CTNNA2: variants seen among roughly 807,000 people sequenced by gnomAD.
CTNNA2 encodes catenin alpha 2, also known as catenin alpha-2.
Under a neutral mutation model 101.0 loss-of-function variants are expected in CTNNA2, and 42 were observed. The ratio of observed to expected loss-of-function variants is 0.42; its 90% CI spans 0.32 to 0.54. The LOEUF (loss-of-function observed/expected upper bound fraction) is 0.54. Among genes scored for constraint, CTNNA2 ranks in the 20% least tolerant of loss-of-function variants. The pLI is 0.14. For missense variants in CTNNA2, 871 were observed against 1,223.1 expected (o/e 0.71, Z 4.29); for synonymous variants, 450 against 456.4 (o/e 0.99, Z 0.18).
intron 3 of CTNNA2, among the ~76,000 whole-genome samples, chr2:79,367,128 C>T (rs1190648971): frequency 2.0e-5 from 3 of 152,066 alleles, no homozygotes; most frequent in Non-Finnish European, 4.4e-5. Flanking sequence ...GAGAGAGATC[C>T]TTTCTCATTC....
intron 7 of CTNNA2, among the ~76,000 whole-genome samples, chr2:80,030,759 C>T (rs1386640570): frequency 6.6e-6 from 1 of 152,008 alleles, no homozygotes; most frequent in South Asian, 2.1e-4. Flanking sequence ...GGATATGTAA[C>T]AGACAAGTGA....
chr2:79,424,920 T>C (rs1678577538), intron 4 of CTNNA2, among the ~76,000 whole-genome samples: 1 of 152,176 alleles, frequency 6.6e-6, no homozygotes, highest in Non-Finnish European at 1.5e-5. Context: ...ATTGGTCAGC[T>C]TTAGTGAAAT....
intron 1 of CTNNA2, among the ~76,000 whole-genome samples, chr2:79,582,383 A>C (rs979639317): frequency 6.6e-6 from 1 of 152,276 alleles, no homozygotes; most frequent in East Asian, 1.9e-4. Context: ...TACCATATAC[A>C]TATCATATAG....
At chr2:79,659,561 T>A (rs1201162390) in intron 2 of CTNNA2, among the ~76,000 whole-genome samples, 1 of 152,222 alleles carries the variant, frequency 6.6e-6, no homozygotes, top group Non-Finnish European at 1.5e-5. Context: ...TTGATCTAAT[T>A]CATGTATAGT....
intron 1 of CTNNA2, among the ~76,000 whole-genome samples, chr2:79,584,587 C>T (rs1436910094): frequency 6.6e-6 from 1 of 150,556 alleles, no homozygotes; most frequent in East Asian, 2.0e-4. Context: ...TGCAATGGCA[C>T]GATTTCAGCT....
Position 80,586,885 on chromosome 2 carries a change from C to A in CTNNA2, c.2008-2419C>A, listed in dbSNP as rs370695892. On this transcript the variant is annotated intron_variant, in intron 14 of 18. Coordinates refer to ENST00000402739, the MANE Select transcript of CTNNA2 (RefSeq NM_001282597.3). ...TGGCTACTAGTAAGAAGCATCTGGGCAGCCACGGGTTCAAGGATACCTTTA... is the reference window on the plus strand; with the variant it reads ...TGGCTACTAGTAAGAAGCATCTGGGAAGCCACGGGTTCAAGGATACCTTTA... 5.3e-4 allele frequency among the ~76,000 whole-genome samples: 80 copies of A among 152,270 alleles called. No homozygotes were observed. The South Asian group carries it at 0.016, about 30-fold the overall frequency.
At chr2:79,792,222 C>A (rs1675328869) in intron 3 of CTNNA2, among the ~76,000 whole-genome samples, 1 of 152,118 alleles carries the variant, frequency 6.6e-6, no homozygotes, top group African/African-American at 2.4e-5. Flanking sequence ...ATTGTGTGAG[C>A]AGAGGCACTG....
chr2:79,808,792 C>CTTT (rs72349722), intron 3 of CTNNA2, among the ~76,000 whole-genome samples: 3 of 145,796 alleles, frequency 2.1e-5, no homozygotes, highest in East Asian at 2.0e-4. Context: ...TTGTCATCAT[C>CTTT]TTTTTTTTTT....
chr2:79,810,526 C>CTTTTT (rs58252886), intron 3 of CTNNA2, among the ~76,000 whole-genome samples: 2 of 143,276 alleles, frequency 1.4e-5, no homozygotes, highest in East Asian at 2.0e-4. Flanking sequence ...CTTTTCTTTT[C>CTTTTT]TTTTTTTTTT....
At chr2:79,699,788 TACACACACACACACACACACACACAC>T (rs377095429) in intron 2 of CTNNA2, among the ~76,000 whole-genome samples, 8 of 119,988 alleles carry the variant, frequency 6.7e-5, no homozygotes, top group African/African-American at 2.4e-4. Context: ...AAGAAAAAAA[TACACACACACACACACACACACACAC>T]ACACACACAC....
At chr2:79,529,298 A>G (rs917890404) in intron 1 of CTNNA2, among the ~76,000 whole-genome samples, 2 of 152,186 alleles carry the variant, frequency 1.3e-5, no homozygotes, top group Admixed American at 6.6e-5. Context: ...GACAAAGGCA[A>G]AGACAAGGCT....
rs114326969 is a variant in CTNNA2, at chr2:80,284,014, A to G, written c.1057-109197A>G. 4.4e-3 allele frequency among the ~76,000 whole-genome samples: 666 copies of G among 152,290 alleles called. 1 individual carries two copies. Among genetic ancestry groups the G allele is most frequent in the African/African-American group, 0.015 (627 of 41,564 alleles). On this transcript the variant is annotated intron_variant, in intron 7 of 18. Coordinates refer to ENST00000402739, the MANE Select transcript of CTNNA2 (RefSeq NM_001282597.3). ...CCCTTGACCATGAACAATTAGTGTG[A>G]GTAGAATGATCCCATTCATGGCAAT...
chr2:79,639,206 C>T (rs747816163), intron 1 of CTNNA2, among the ~76,000 whole-genome samples: 4 of 152,152 alleles, frequency 2.6e-5, no homozygotes, highest in Non-Finnish European at 5.9e-5. Context: ...GTGAATGGTT[C>T]CTGCTTTTAC....
chr2:80,508,526 T>G (rs1391925221), intron 9 of CTNNA2, among the ~76,000 whole-genome samples: 1 of 152,100 alleles, frequency 6.6e-6, no homozygotes, highest in East Asian at 1.9e-4. Context: ...TTGTTGTTCT[T>G]GTTGTTTTTT....
chr2:79,615,523 C>T (rs2104239655), intron 1 of CTNNA2, among the ~76,000 whole-genome samples: 1 of 152,198 alleles, frequency 6.6e-6, no homozygotes, highest in African/African-American at 2.4e-5. Context: ...AAATACAGTA[C>T]CTTTTAAATT....
intron 1 of CTNNA2, among the ~76,000 whole-genome samples, chr2:79,190,515 T>C (rs1248923698): frequency 6.6e-6 from 1 of 152,092 alleles, no homozygotes; most frequent in Non-Finnish European, 1.5e-5. Context: ...CAACAAATGT[T>C]TTCTTTCCTT....
At chr2:80,157,817 C>T (rs575070722) in intron 7 of CTNNA2, among the ~76,000 whole-genome samples, 84 of 152,186 alleles carry the variant, frequency 5.5e-4, no homozygotes, top group African/African-American at 2.0e-3. Context: ...TGGTGTTCCA[C>T]ACTTCAGTTC....
chr2:79,682,252 C>CA (rs915244691), intron 2 of CTNNA2, among the ~76,000 whole-genome samples: 5 of 150,746 alleles, frequency 3.3e-5, no homozygotes, highest in African/African-American at 9.7e-5. Flanking sequence ...ACTAAAAATA[C>CA]AAAAAAAACT....
chr2:79,921,499 G>A (rs374329076), intron 7 of CTNNA2, among the ~76,000 whole-genome samples: 3 of 152,038 alleles, frequency 2.0e-5, no homozygotes, highest in East Asian at 1.9e-4. Flanking sequence ...TTTGCCCTGC[G>A]AGATACTAAT....
Sources: gnomAD v4.1 joint callset for allele counts (sites outside exome capture counted in the v4.1 genomes callset) on GRCh38, gnomAD v4.1.1 for gene constraint, MANE v1.5 for transcripts, NCBI Gene and HGNC (gene_info 2026-07-23, HGNC 2026-07-21) for gene names.